Variants in FCGR3A observed in about 807,000 individuals in gnomAD.
FCGR3A encodes Fc gamma receptor IIIa, also known as low affinity immunoglobulin gamma Fc region receptor III-A.
Under a neutral mutation model 24.1 loss-of-function variants are expected in FCGR3A, and 13 were observed. The ratio of observed to expected loss-of-function variants is 0.54; its 90% CI spans 0.35 to 0.86. The LOEUF is 0.86. Among genes scored for constraint, FCGR3A ranks in the 40% least tolerant of loss-of-function variants. The pLI is 0.01. For missense variants in FCGR3A, 235 were observed against 298.0 expected (o/e 0.79, Z 1.56); for synonymous variants, 93 against 112.2 (o/e 0.83, Z 1.08).
chr1:161,542,387 C>G lies in FCGR3A; in HGVS notation c.*625G>C, dbSNP rs1237729860. ...GGAGATGGTCCAGTTCTGATAGAGT[C>G]CCCTGGAAGACTCAATTCTACGTCA... On this transcript the variant is annotated 3_prime_UTR_variant, in exon 5 of 5. Coordinates refer to ENST00000443193, the MANE Select transcript of FCGR3A (RefSeq NM_000569.8). 1 of 150,950 alleles carries G rather than the reference C, an allele frequency of 6.6e-6. No individual in the cohort carries two copies. Among genetic ancestry groups the G allele is most frequent in the Non-Finnish European group, 1.5e-5 (1 of 67,864 alleles). The allele number at this position is 150,950 out of a possible 1,614,324, so 9.4% of individuals were successfully genotyped here.
intron 4 of FCGR3A, among the ~76,000 whole-genome samples, chr1:161,544,089 C>T (rs1266609580): frequency 1.3e-5 from 2 of 152,240 alleles, no homozygotes; most frequent in African/African-American, 4.8e-5. Flanking sequence ...GGAATATTAC[C>T]TATCTCATGT....
At chr1:161,547,132 T>C (rs1251461680) in intron 3 of FCGR3A, among the ~76,000 whole-genome samples, 1 of 152,136 alleles carries the variant, frequency 6.6e-6, no homozygotes, top group Non-Finnish European at 1.5e-5. Flanking sequence ...CTCTTAGACT[T>C]GATTTTTCTA....
chr1:161,546,180 C>T (rs1313908721), intron 3 of FCGR3A, among the ~76,000 whole-genome samples: 5 of 152,038 alleles, frequency 3.3e-5, no homozygotes, highest in Non-Finnish European at 7.4e-5. Flanking sequence ...ATTTGCCAAA[C>T]AGAAAGTAAT....
chr1:161,549,852 A>T (rs1263877707), upstream of FCGR3A: 3 of 1,611,632 alleles, frequency 1.9e-6, no homozygotes, highest in Admixed American at 3.4e-5. Context: ...CATCTCTGTC[A>T]CCCACCAATT....
In FCGR3A at chr1:161,548,546, C is replaced by G. The variant is rs77144485; in HGVS notation, c.194G>C (p.Ser65Thr). The change falls in exon 3 of 5, where the codon AGC becomes ACC. Residue 65 changes from serine to threonine, a missense_variant. Transcript: ENST00000443193. ...DNSTQWFHNESLISSQASSYF... is the reference protein window; with the variant it reads ...DNSTQWFHNETLISSQASSYF... ...GCTCGAGGCCTGGCTTGAGATGAGG[C>G]TCTCATTGTGAAACCACTGTGTGGA... 1 of 1,510,598 alleles carries G rather than the reference C, an allele frequency of 6.6e-7. No homozygotes were observed. Among genetic ancestry groups the G allele is most frequent in the Non-Finnish European group, 9.1e-7 (1 of 1,104,734 alleles). The allele number at this position is 1,510,598 out of a possible 1,614,324, so 93.6% of individuals were successfully genotyped here.
chr1:161,543,237 T>C lies in FCGR3A; in HGVS notation c.578-38A>G, dbSNP rs763214964. 1.6e-5 allele frequency: 26 copies of C among 1,596,454 alleles called. No individual in the cohort carries two copies. In the South Asian group the frequency reaches 2.9e-4, roughly 18 times the overall value. ...GTGGAGAGATGAAAAAAAATGACAGTCACTAAGGCAGATATTTGGAACAAA... is the reference window on the plus strand; with the variant it reads ...GTGGAGAGATGAAAAAAAATGACAGCCACTAAGGCAGATATTTGGAACAAA... On this transcript the variant is annotated intron_variant, in intron 4 of 4. Transcript: ENST00000443193.
intron 3 of FCGR3A, among the ~76,000 whole-genome samples, chr1:161,546,894 G>A (rs12747255): frequency 2.1e-4 from 32 of 152,010 alleles, no homozygotes; most frequent in African/African-American, 4.1e-4. Context: ...GACAGAGAGA[G>A]ACTCTGTCTC....
upstream of FCGR3A, chr1:161,550,167 A>T (rs1425116647): frequency 2.0e-6 from 1 of 507,840 alleles, no homozygotes; most frequent in Admixed American, 3.6e-5. Flanking sequence ...GGCTTCCTTC[A>T]TTTCACCTCA....
At chr1:161,543,585 C>T (rs1397532254) in intron 4 of FCGR3A, among the ~76,000 whole-genome samples, 1 of 151,736 alleles carries the variant, frequency 6.6e-6, no homozygotes, top group Non-Finnish European at 1.5e-5. Context: ...TGATATATTT[C>T]CAAACTTAAA....
intron 3 of FCGR3A, among the ~76,000 whole-genome samples, chr1:161,546,461 A>G (rs2102526450): frequency 6.6e-6 from 1 of 152,168 alleles, no homozygotes; most frequent in Admixed American, 6.6e-5. Context: ...TGGGACATAT[A>G]GTTCTCAGCC....
chr1:161,545,056 A>G, intron 3 of FCGR3A, 98 bp from the exon 4 acceptor site: 2 of 1,521,642 alleles, frequency 1.3e-6, no homozygotes, highest in South Asian at 2.5e-5. Context: ...GACATAAGGG[A>G]AAGCCAGATT....
chr1:161,549,677 C>A lies in FCGR3A; in HGVS notation c.40+20G>T. 6.2e-7 allele frequency: 1 copy of A among 1,613,222 alleles called. No homozygotes were observed. Among genetic ancestry groups the A allele is most frequent in the South Asian group, 1.1e-5 (1 of 90,928 alleles). On this transcript the variant is annotated intron_variant, in intron 1 of 4. Transcript: ENST00000443193. ...AAGGCATCTCAAACTTCTCCCTCAACCAGGGAGACCCTGACTTACCTAGAA... is the reference window on the plus strand; with the variant it reads ...AAGGCATCTCAAACTTCTCCCTCAAACAGGGAGACCCTGACTTACCTAGAA...
chr1:161,542,258 G>C lies in FCGR3A; in HGVS notation c.*754C>G, dbSNP rs1452310745. Reference sequence around the variant, plus strand: ...AACTTGGGACAGTGACACAGGGTTTGTTCTGTACTTTCTTTTCCACCCCAC... The same window carrying C: ...AACTTGGGACAGTGACACAGGGTTTCTTCTGTACTTTCTTTTCCACCCCAC... On this transcript the variant is annotated 3_prime_UTR_variant, in exon 5 of 5. Coordinates refer to ENST00000443193, the MANE Select transcript of FCGR3A (RefSeq NM_000569.8). The C allele has an allele frequency of 1.3e-5, 2 of 152,170 alleles. No homozygotes were observed. Among genetic ancestry groups the C allele is most frequent in the East Asian group, 3.8e-4 (2 of 5,308 alleles). 9.4% of individuals were successfully genotyped at this position (152,170 alleles called of 1,614,324 possible).
Position 161,542,819 on chromosome 1 carries a change from C to T in FCGR3A, c.*193G>A, listed in dbSNP as rs1677178111. 2 of 490,244 alleles carry T rather than the reference C, an allele frequency of 4.1e-6. No individual in the cohort carries two copies. 30.4% of individuals were successfully genotyped at this position (490,244 alleles called of 1,614,324 possible). On this transcript the variant is annotated 3_prime_UTR_variant, in exon 5 of 5. Coordinates refer to ENST00000443193, the MANE Select transcript of FCGR3A (RefSeq NM_000569.8). ...GAATGCAGCTACTCACTGGGGCTTC[C>T]CTGCTTGAAGATCATGGGCTTTTCC...
chr1:161,550,252 C>T (rs1378001246), upstream of FCGR3A: 12 of 431,180 alleles, frequency 2.8e-5, no homozygotes, highest in Non-Finnish European at 4.5e-5. Flanking sequence ...AGAAAGTGGT[C>T]CTTTCAAATC....
chr1:161,544,620 C>A, intron 4 of FCGR3A, 81 bp downstream of exon 4: 1 of 1,520,686 alleles, frequency 6.6e-7, no homozygotes, highest in Non-Finnish European at 8.9e-7. Context: ...TCAGGAATCT[C>A]CTCCCAACTC....
intron 3 of FCGR3A, among the ~76,000 whole-genome samples, chr1:161,547,364 TG>T (rs1677468665): frequency 6.6e-6 from 1 of 152,146 alleles, no homozygotes; most frequent in African/African-American, 2.4e-5. Flanking sequence ...CCCCAAAGCT[TG>T]TTCCACCCAT....
chr1:161,545,296 G>A, intron 3 of FCGR3A: 1 of 337,870 alleles, frequency 3.0e-6, no homozygotes, highest in Non-Finnish European at 5.5e-6. Context: ...CAGGTGACAA[G>A]GATTCACAGT....
At chr1:161,550,048 C>T (rs1677689028), upstream of FCGR3A, 2 of 620,214 alleles carry the variant, frequency 3.2e-6, no homozygotes, top group African/African-American at 1.9e-5. Flanking sequence ...GTGCCCTCAG[C>T]CATCCCAGGA....
Sources: allele counts gnomAD v4.1 joint callset (sites outside exome capture counted in the v4.1 genomes callset), GRCh38; gene constraint gnomAD v4.1.1; transcripts MANE v1.5; gene names NCBI Gene and HGNC (gene_info 2026-07-23, HGNC 2026-07-21).